The following PCGF1 variants were observed in gnomAD, a reference collection of about 807,000 sequenced individuals.
PCGF1 encodes polycomb group ring finger 1, also known as polycomb group RING finger protein 1.
A neutral mutation model predicts 38.8 loss-of-function variants in PCGF1; 10 were observed. The observed-to-expected ratio is 0.26, with a 90% CI of 0.16 to 0.44. The LOEUF is 0.44. Among genes scored for constraint, PCGF1 ranks in the 20% least tolerant of loss-of-function variants. The pLI, the probability that PCGF1 is intolerant of heterozygous loss-of-function variation, is 1.00. For synonymous variants in PCGF1, 119 were observed against 121.3 expected, an observed-to-expected ratio of 0.98 and a Z score of 0.12; for missense variants, 230 against 331.5, an observed-to-expected ratio of 0.69 and a Z score of 2.38.
Position 74,505,541 on chromosome 2 carries a change from G to C in PCGF1, c.651+11C>G, listed in dbSNP as rs1674609721. 1 of 1,613,898 alleles carries C rather than the reference G, an allele frequency of 6.2e-7. No homozygotes were observed. The highest frequency in any genetic ancestry group is 2.2e-5 in the East Asian group (1 of 44,894). Reference sequence around the variant, plus strand: ...TCTCCCCCTCAAGAAACCTACTGTGGGACTACTCACATGCTGAGGGTTTAG... The same window carrying C: ...TCTCCCCCTCAAGAAACCTACTGTGCGACTACTCACATGCTGAGGGTTTAG... On this transcript the variant is annotated intron_variant, in intron 7 of 8. Transcript: ENST00000233630.
intron 6 of PCGF1, 40 bp from the exon 7 acceptor site, chr2:74,505,678 A>C: frequency 6.2e-7 from 1 of 1,614,044 alleles, no homozygotes; most frequent in Non-Finnish European, 8.5e-7. Flanking sequence ...AAGGTGTGTG[A>C]GGGAAGGACC....
chr2:74,507,176 T>TC, intron 1 of PCGF1, 29 bp from the exon 2 acceptor site: 2 of 1,605,556 alleles, frequency 1.2e-6, no homozygotes, highest in Non-Finnish European at 8.5e-7. Flanking sequence ...TCACCAATCA[T>TC]CCACCCTCAA....
In PCGF1 at chr2:74,505,756, T is replaced by G. The variant is rs1266222457; in HGVS notation, c.545A>C (p.Lys182Thr). The G allele has an allele frequency of 3.7e-6, 6 of 1,614,172 alleles. No homozygotes were observed. Among genetic ancestry groups the G allele is most frequent in the Non-Finnish European group, 5.1e-6 (6 of 1,180,024 alleles). ...TCTCACCTGCAGGACGCTTTTATTC[T>G]TGTCTTTGCCAGAACTGGGGGGAAA... ...CLERLSSGKD[K>T]NKSVLQNKYV... The change falls in exon 6 of 9, where the codon AAG (lysine) becomes ACG (threonine). Residue 182 changes from lysine to threonine, a missense_variant. By Grantham distance (78) the Lys-to-Thr change is moderately conservative. Around this residue, in one of 3 missense-constraint regions of PCGF1, gnomAD observed 144 missense variants for 182.4 expected, o/e 0.79. Coordinates refer to ENST00000233630, the MANE Select transcript of PCGF1 (RefSeq NM_032673.3).
chr2:74,507,359 T>A, intron 1 of PCGF1: 1 of 1,452,276 alleles, frequency 6.9e-7, no homozygotes, highest in South Asian at 1.4e-5. Flanking sequence ...TGGACTCGCC[T>A]GACCCTCCTT....
rs750216797 is a variant in PCGF1, at chr2:74,505,329, C to G, written c.732+10G>C. On this transcript the variant is annotated intron_variant, in intron 8 of 8. Transcript: ENST00000233630. ...GGGGGTGTGATCCCAGGGAGGGTGG[C>G]CTGGCTTACCTTGCCGAACCAGCGG... 6.2e-7 allele frequency: 1 copy of G among 1,603,006 alleles called. No homozygotes were observed. Among genetic ancestry groups the G allele is most frequent in the Non-Finnish European group, 8.5e-7 (1 of 1,174,524 alleles).
chr2:74,506,893 AAAG>A lies in PCGF1; in HGVS notation c.200-12_200-10del, dbSNP rs1674648649. On this transcript the variant is annotated splice_polypyrimidine_tract_variant and intron_variant, in intron 2 of 8. Coordinates refer to ENST00000233630, the MANE Select transcript of PCGF1 (RefSeq NM_032673.3). ...AATACAACTCTTGCAGACTGCAGGA[AAAG>A]AAAAGCAGATTCTCAGGCCCTCTGG... The A allele has an allele frequency of 6.2e-7, 1 of 1,614,048 alleles. No homozygotes were observed. The highest frequency in any genetic ancestry group is 8.5e-7 in the Non-Finnish European group (1 of 1,179,978).
rs552819855 is a variant in PCGF1 at position 74,506,534 on chromosome 2, C to T, written c.352+198G>A. The T allele has an allele frequency of 8.5e-5, 55 of 643,502 alleles. No homozygotes were observed. The East Asian group carries it at 8.6e-4, about 10-fold the overall frequency. 39.9% of individuals were successfully genotyped at this position (643,502 alleles called of 1,614,324 possible). Reference sequence around the variant, plus strand: ...TGGAGCTTGCAGTGAGCTGAGATTGCGCCACTGCACTCCAGCCTGGGCAAG... The same window carrying T: ...TGGAGCTTGCAGTGAGCTGAGATTGTGCCACTGCACTCCAGCCTGGGCAAG... On this transcript the variant is annotated intron_variant, in intron 3 of 8. Transcript: ENST00000233630.
Position 74,507,654 on chromosome 2 carries a change from CT to C in PCGF1, c.14del (p.Gln5ArgfsTer9). On this transcript the variant is annotated frameshift_variant, in exon 1 of 9. Coordinates refer to ENST00000233630, the MANE Select transcript of PCGF1 (RefSeq NM_032673.3). LOFTEE classifies it high-confidence loss of function. MASPQGGQIAIAMRL... is the reference protein window; with the variant it reads MASPXGGQIAIAMRL... ...TCATCGCGATCGCAATCTGGCCCCC[CT>C]GAGGAGACGCCATCTTAAAGGCTGA... 7 of 1,564,034 alleles carry C rather than the reference CT, an allele frequency of 4.5e-6. No individual in the cohort carries two copies. The highest frequency in any genetic ancestry group is 6.1e-6 in the Non-Finnish European group (7 of 1,154,860).
Position 74,505,719 on chromosome 2 carries a change from C to G in PCGF1, c.564+18G>C. The stretch of plus-strand genomic sequence containing the variant: ...AGGTGAGTCTCCTTAGAGAGGCCCT[C>G]CCCTCAGCCCTTCTCACCTGCAGGA... On this transcript the variant is annotated intron_variant, in intron 6 of 8. Coordinates refer to ENST00000233630, the MANE Select transcript of PCGF1 (RefSeq NM_032673.3). The G allele has an allele frequency of 6.2e-7, 1 of 1,614,176 alleles. No individual in the cohort carries two copies. The highest frequency in any genetic ancestry group is 8.5e-7 in the Non-Finnish European group (1 of 1,180,014).
intron 1 of PCGF1, 87 bp from the exon 2 acceptor site, chr2:74,507,234 C>A: frequency 6.6e-7 from 1 of 1,512,428 alleles, no homozygotes; most frequent in Non-Finnish European, 9.0e-7. Flanking sequence ...TCCTTCATCA[C>A]ACTAGACGGC....
intron 1 of PCGF1, chr2:74,507,363 C>T (rs1305919996): frequency 4.8e-6 from 7 of 1,451,368 alleles, no homozygotes; most frequent in Admixed American, 2.6e-5. Context: ...CTCGCCTGAC[C>T]CTCCTTTCCC....
chr2:74,506,706 C>T, intron 3 of PCGF1, 26 bp downstream of exon 3: 1 of 1,612,614 alleles, frequency 6.2e-7, no homozygotes, highest in Non-Finnish European at 8.5e-7. Flanking sequence ...CTCAAGAGGC[C>T]CCTCAAAGTC....
In PCGF1 at chr2:74,505,940, C is replaced by A. The variant is rs886755122; in HGVS notation, c.530+12G>T. 1 of 1,613,568 alleles carries A rather than the reference C, an allele frequency of 6.2e-7. No individual in the cohort carries two copies. ...CACTGTCACCTCCTGCAACCCCTGACCTTCTCCTCACCTCAGCCGCTCCAG... is the reference window on the plus strand; with the variant it reads ...CACTGTCACCTCCTGCAACCCCTGAACTTCTCCTCACCTCAGCCGCTCCAG... On this transcript the variant is annotated intron_variant, in intron 5 of 8. Transcript: ENST00000233630.
At chr2:74,507,367 C>G in intron 1 of PCGF1, 1 of 1,451,284 alleles carries the variant, frequency 6.9e-7, no homozygotes, top group Non-Finnish European at 9.0e-7. Flanking sequence ...CCTGACCCTC[C>G]TTTCCCAGGG....
Position 74,506,838 on chromosome 2 carries a change from G to A in PCGF1, c.246C>T (p.Cys82=), listed in dbSNP as rs747441614. Residue 82 remains cysteine (C), a synonymous_variant, in exon 3 of 9, where the codon TGC becomes TGT. Coordinates refer to ENST00000233630, the MANE Select transcript of PCGF1 (RefSeq NM_032673.3). ...IVKYLQTSKY[C]PMCNIKIHET... The stretch of plus-strand genomic sequence containing the variant: ...CGTGGATCTTAATGTTGCACATGGG[G>A]CAGTACTTGCTAGTTTGGAGGTACT... 43 of 1,614,102 alleles carry A rather than the reference G, an allele frequency of 2.7e-5. No individual in the cohort carries two copies. The highest frequency in any genetic ancestry group is 1.7e-6 in the Non-Finnish European group (2 of 1,180,026).
In PCGF1 at chr2:74,507,151, A is replaced by C. The variant is rs1341276609; in HGVS notation, c.94-4T>G. ...TGATCTTCACTCGAACCTCCTCCTG[A>C]AGATACACCCTCCGTCACCAATCAT... is the stretch of plus-strand genomic sequence containing the variant. On this transcript the variant is annotated splice_polypyrimidine_tract_variant and splice_region_variant and intron_variant, in intron 1 of 8. Coordinates refer to ENST00000233630, the MANE Select transcript of PCGF1 (RefSeq NM_032673.3). 1.2e-6 allele frequency: 2 copies of C among 1,613,398 alleles called. No homozygotes were observed. The highest frequency in any genetic ancestry group is 1.7e-5 in the Admixed American group (1 of 60,000).
chr2:74,505,399 A>C lies in PCGF1; in HGVS notation c.672T>G (p.Asn224Lys). The C allele has an allele frequency of 6.2e-7, 1 of 1,610,458 alleles. No homozygotes were observed. Among genetic ancestry groups the C allele is most frequent in the Non-Finnish European group, 8.5e-7 (1 of 1,178,110 alleles). Residue 224 changes from asparagine to lysine, a missense_variant, in exon 8 of 9, where the codon AAT becomes AAG. By Grantham distance (94) the Asn-to-Lys change is moderately conservative. Around this residue, in one of 3 missense-constraint regions of PCGF1, gnomAD observed 144 missense variants for 182.4 expected, o/e 0.79. Transcript: ENST00000233630. ...TTGTCATGTGATCAGGGAGAACTTC[A>C]TTGTCAAAAAGGAGCTGCACCTAGG... Reference protein sequence around the residue: ...NPQHVQLLFDNEVLPDHMTMK... With the variant: ...NPQHVQLLFDKEVLPDHMTMK...
chr2:74,505,417 C>G lies in PCGF1; in HGVS notation c.654G>C (p.Val218=). The change falls in exon 8 of 9, where the codon GTG becomes GTC. Residue 218 remains valine, a splice_region_variant and synonymous_variant. Coordinates refer to ENST00000233630, the MANE Select transcript of PCGF1 (RefSeq NM_032673.3). ...CHRLMLNPQH[V]QLLFDNEVLP... ...GAACTTCATTGTCAAAAAGGAGCTG[C>G]ACCTAGGAGGGAGATGGGGGCATAA... 6.2e-7 allele frequency: 1 copy of G among 1,609,180 alleles called. No individual in the cohort carries two copies. The highest frequency in any genetic ancestry group is 8.5e-7 in the Non-Finnish European group (1 of 1,177,164).
intron 4 of PCGF1, 42 bp from the exon 5 acceptor site, chr2:74,506,099 C>T (rs1674625309): frequency 1.9e-6 from 3 of 1,612,356 alleles, no homozygotes; most frequent in Non-Finnish European, 2.5e-6. Flanking sequence ...GGCACACATT[C>T]CATACTCCTC....
Sources: allele counts gnomAD v4.1 joint callset, GRCh38; gene constraint gnomAD v4.1.1; regional missense constraint gnomAD v4.1.1; transcripts MANE v1.5; gene names NCBI Gene and HGNC (gene_info 2026-07-23, HGNC 2026-07-21).